The following C17orf99 variants were observed in gnomAD, a reference collection of about 807,000 sequenced individuals.
The protein encoded by C17orf99 is protein IL-40.
Under a neutral mutation model 22.6 loss-of-function variants are expected in C17orf99, and 18 were observed. The observed-to-expected ratio is 0.80, with a 90% CI of 0.55 to 1.18. The LOEUF (loss-of-function observed/expected upper bound fraction) is 1.18, where lower values mean the gene tolerates loss of function less well. Among genes scored for constraint, C17orf99 ranks in the 50% most tolerant of loss-of-function variants. The pLI, the probability that C17orf99 is intolerant of heterozygous loss-of-function variation, is 0.00. For missense variants in C17orf99, 328 were observed against 342.7 expected (o/e 0.96, Z 0.34); for synonymous variants, 147 against 136.6 (o/e 1.08, Z -0.53).
intron 4 of C17orf99, chr17:78,164,876 CG>C (rs1240057540): frequency 3.9e-5 from 46 of 1,180,220 alleles, no homozygotes; most frequent in South Asian, 2.5e-4. Context: ...ACATTCAAGG[CG>C]TTATCGGACC....
rs577882614 is a variant in C17orf99, at chr17:78,166,058, C to T, written c.*12C>T. 1.9e-5 allele frequency: 22 copies of T among 1,172,886 alleles called. No homozygotes were observed. The highest frequency in any genetic ancestry group is 6.1e-4 in the Middle Eastern group (2 of 3,262). 72.7% of individuals were successfully genotyped at this position (1,172,886 alleles called of 1,614,324 possible). A position where few individuals can be genotyped will look rare whatever the true frequency, so the allele number is the denominator to read the frequency against. ...CAGCAGCCATGTAGAATGAACCGTC[C>T]AGAGAGCCAAGCACGGCAGAGGACT... On this transcript the variant is annotated 3_prime_UTR_variant, in exon 5 of 5. Coordinates refer to ENST00000340363, the MANE Select transcript of C17orf99 (RefSeq NM_001163075.2).
chr17:78,165,257 C>T (rs2075609193), intron 4 of C17orf99: 5 of 987,734 alleles, frequency 5.1e-6, no homozygotes, highest in Admixed American at 6.1e-5. Context: ...GAGACACTGC[C>T]GTGTCCTGGT....
At chr17:78,152,668 T>A (rs1356140536) in intron 2 of C17orf99, among the ~76,000 whole-genome samples, 5 of 151,234 alleles carry the variant, frequency 3.3e-5, no homozygotes, top group Non-Finnish European at 7.4e-5. Context: ...AGACAGGATC[T>A]TGCTTTTTTG....
Position 78,166,176 on chromosome 17 carries a change from A to C in C17orf99, c.*130A>C. ...GCCACAAAAAAAAAAAAAAAAAAAA[A>C]AGGGTAACTATGAGAGATGGTGGAT... On this transcript the variant is annotated 3_prime_UTR_variant, in exon 5 of 5. Transcript: ENST00000340363. 2 of 385,916 alleles carry C rather than the reference A, an allele frequency of 5.2e-6. No homozygotes were observed. The highest frequency in any genetic ancestry group is 6.6e-4 in the Middle Eastern group (1 of 1,508). The allele number at this position is 385,916 out of a possible 1,614,324, so 23.9% of individuals were successfully genotyped here.
In C17orf99 at chr17:78,146,859, C is replaced by T. The variant is rs750674033; in HGVS notation, c.38-20C>T. On this transcript the variant is annotated intron_variant, in intron 1 of 4. Coordinates refer to ENST00000340363, the MANE Select transcript of C17orf99 (RefSeq NM_001163075.2). The surrounding 1 kb of genome is among the most constrained non-coding windows in gnomAD (Gnocchi z 5.2). The stretch of plus-strand genomic sequence containing the variant: ...CCTCCACACCAGGCCCTCTCCTTAT[C>T]GCCCTTACCTCTCTTACAGCTGCCA... 17 of 1,551,086 alleles carry T rather than the reference C, an allele frequency of 1.1e-5. No individual in the cohort carries two copies. Among genetic ancestry groups the T allele is most frequent in the South Asian group, 8.3e-5 (7 of 84,024 alleles).
rs1037504566 is a variant in C17orf99, at chr17:78,164,279, G to A, written c.555G>A (p.Leu185=). ...GGCAGCCTGCCAACTTCTCCTTCCT[G>A]CCGAGCCAGACATCGGACTGGTTCT... ...CHRQPANFSF[L]PSQTSDWFWC... is the part of the protein sequence containing the mutation. Residue 185 remains leucine, a synonymous_variant, in exon 4 of 5, where the codon CTG becomes CTA. Transcript: ENST00000340363. The A allele has an allele frequency of 1.0e-5, 16 of 1,551,474 alleles. No homozygotes were observed. In the African/African-American group the frequency reaches 1.8e-4, roughly 17 times the overall value.
rs142727922 is a variant in C17orf99 at position 78,162,911 on chromosome 17, G to C, written c.371-1184G>C. ...AGCGATTCTCCTGCCTCAGCCTCCC[G>C]AGTAGCTGGGACTACAGGCCCTTGC... On this transcript the variant is annotated intron_variant, in intron 3 of 4. Transcript: ENST00000340363. 8.2e-3 allele frequency among the ~76,000 whole-genome samples: 1,241 copies of C among 152,118 alleles called. 18 individuals carry two copies. The highest frequency in any genetic ancestry group is 0.028 in the African/African-American group (1,156 of 41,504).
Position 78,161,034 on chromosome 17 carries a change from T to C in C17orf99, c.150T>C (p.Cys50=). The C allele has an allele frequency of 1.9e-6, 3 of 1,551,442 alleles. No homozygotes were observed. Among genetic ancestry groups the C allele is most frequent in the Non-Finnish European group, 2.6e-6 (3 of 1,146,790 alleles). Residue 50 remains cysteine, a synonymous_variant, in exon 3 of 5, where the codon TGT becomes TGC. Transcript: ENST00000340363. The part of the protein sequence containing the change: ...PKGRWVLITC[C]APQPPPPITY... The stretch of plus-strand genomic sequence containing the variant: ...GCCGCTGGGTGCTCATAACCTGCTG[T>C]GCACCCCAGCCACCACCGCCCATCA...
chr17:78,159,609 A>C (rs2075557515), intron 2 of C17orf99, among the ~76,000 whole-genome samples: 1 of 142,526 alleles, frequency 7.0e-6, no homozygotes, highest in Non-Finnish European at 1.5e-5. Flanking sequence ...AAAAAAAGTG[A>C]TAATTCAGCA....
At chr17:78,165,406 C>G in intron 4 of C17orf99, 1 of 985,572 alleles carries the variant, frequency 1.0e-6, no homozygotes, top group Non-Finnish European at 1.2e-6. Flanking sequence ...CTCGCCGAGC[C>G]TCAGTTTTTC....
intron 2 of C17orf99, among the ~76,000 whole-genome samples, chr17:78,150,125 C>T (rs2075469890): frequency 6.6e-6 from 1 of 152,156 alleles, no homozygotes; most frequent in Non-Finnish European, 1.5e-5. Flanking sequence ...CATCCCGCCT[C>T]AGCCTCCAGA....
At chr17:78,157,537 G>T in intron 2 of C17orf99, 3 of 927,662 alleles carry the variant, frequency 3.2e-6, no homozygotes, top group East Asian at 3.8e-5. Context: ...GGTGGCTCAC[G>T]CCCGTAATCC....
rs1247871358 is a variant in C17orf99, at chr17:78,164,756, G to T, written c.640+392G>T. ...CTGGCTGCAGAGCTCAGGTGGTGGG[G>T]CTTGCAGGGCAGGGCTGTGGCCAGG... On this transcript the variant is annotated intron_variant, in intron 4 of 4. Coordinates refer to ENST00000340363, the MANE Select transcript of C17orf99 (RefSeq NM_001163075.2). 4.6e-6 allele frequency: 6 copies of T among 1,296,382 alleles called. No individual in the cohort carries two copies. The African/African-American group carries it at 9.2e-5, about 20-fold the overall frequency. The allele number at this position is 1,296,382 out of a possible 1,614,324, so 80.3% of individuals were successfully genotyped here. A position where few individuals can be genotyped will look rare whatever the true frequency, so the allele number is the denominator to read the frequency against.
intron 2 of C17orf99, chr17:78,157,748 G>C (rs1598947967): frequency 2.0e-6 from 1 of 498,044 alleles, no homozygotes; most frequent in Non-Finnish European, 3.4e-6. Flanking sequence ...GGTGAGCCGA[G>C]ATTGTGCCAC....
chr17:78,157,983 A>G, intron 2 of C17orf99: 2 of 1,285,806 alleles, frequency 1.6e-6, no homozygotes, highest in Non-Finnish European at 1.1e-6. Flanking sequence ...CATAACATGG[A>G]TGTCCCCAGC....
At chr17:78,157,125 T>G (rs1367686697) in intron 2 of C17orf99, among the ~76,000 whole-genome samples, 1 of 148,154 alleles carries the variant, frequency 6.7e-6, no homozygotes, top group Non-Finnish European at 1.5e-5. Context: ...AGGCCAGGAG[T>G]TCAAGACCAG....
intron 2 of C17orf99, among the ~76,000 whole-genome samples, chr17:78,155,124 ATTT>A (rs771330920): frequency 2.1e-4 from 22 of 104,622 alleles, no homozygotes; most frequent in African/African-American, 8.7e-4. Flanking sequence ...AGCAACCCCT[ATTT>A]TTTTTTTTTT....
intron 2 of C17orf99, among the ~76,000 whole-genome samples, chr17:78,155,566 C>T (rs568616994): frequency 3.7e-4 from 57 of 152,278 alleles, no homozygotes; most frequent in African/African-American, 1.3e-3. Flanking sequence ...ATCCTCCCGC[C>T]TTGGCCTCCC....
At chr17:78,151,359 G>A (rs1337623932) in intron 2 of C17orf99, among the ~76,000 whole-genome samples, 2 of 137,060 alleles carry the variant, frequency 1.5e-5, no homozygotes, top group Admixed American at 8.2e-5. Flanking sequence ...CAGAGGCGGA[G>A]GTTGCAGTGA....
Sources: allele counts gnomAD v4.1 joint callset (sites outside exome capture counted in the v4.1 genomes callset), GRCh38; gene constraint gnomAD v4.1.1; non-coding constraint Gnocchi (gnomAD v3.1); transcripts MANE v1.5; gene names NCBI Gene and HGNC (gene_info 2026-07-23, HGNC 2026-07-21).